PRELID2: variants seen among roughly 807,000 people sequenced by gnomAD.
PRELID2 encodes PRELI domain containing 2.
In PRELID2, 25 loss-of-function variants were observed where a neutral mutation model predicts 28.4. The observed-to-expected ratio is 0.88, with a 90% CI of 0.64 to 1.23. The LOEUF is 1.23. Ranked by LOEUF, PRELID2 falls within the 50% of genes most tolerant of loss-of-function variation. The pLI, the probability that PRELID2 is intolerant of heterozygous loss-of-function variation, is 0.00. For synonymous variants in PRELID2, 76 were observed against 71.6 expected (o/e 1.06, Z -0.31); for missense variants, 201 against 214.4 (o/e 0.94, Z 0.39).
intron 1 of PRELID2, among the ~76,000 whole-genome samples, chr5:145,727,844 G>A (rs1343829460): frequency 6.6e-5 from 10 of 152,160 alleles, no homozygotes; most frequent in African/African-American, 2.4e-4. Context: ...TTGAATCAAG[G>A]CAGGTAAACA....
chr5:145,593,617 G>A (rs1753261969), intron 1 of PRELID2, among the ~76,000 whole-genome samples: 1 of 152,150 alleles, frequency 6.6e-6, no homozygotes, highest in Admixed American at 6.6e-5. Context: ...AAAAGGCAGA[G>A]GAAGAGGAAA....
chr5:145,306,760 A>C, the PRELID2 span, among the ~76,000 whole-genome samples: 1 of 152,144 alleles, frequency 6.6e-6, no homozygotes, highest in East Asian at 1.9e-4. Context: ...TTTATGAATT[A>C]CGTATATATG....
intron 1 of PRELID2, among the ~76,000 whole-genome samples, chr5:145,661,988 A>T (rs1754503875): frequency 6.6e-6 from 1 of 152,112 alleles, no homozygotes; most frequent in Non-Finnish European, 1.5e-5. Context: ...CTTACTACAT[A>T]GTTTTGTCAA....
At chr5:145,584,694 A>G (rs28814957) in intron 1 of PRELID2, among the ~76,000 whole-genome samples, 16,576 of 152,142 alleles carry the variant, frequency 0.11, 2,429 homozygotes, top group African/African-American at 0.34. Flanking sequence ...GCTCAACATC[A>G]CTGATCATTA....
intron 1 of PRELID2, among the ~76,000 whole-genome samples, chr5:145,694,929 T>C (rs1440828614): frequency 6.6e-6 from 1 of 152,102 alleles, no homozygotes; most frequent in East Asian, 1.9e-4. Context: ...CCAGAACTGA[T>C]GAAAAGCCCT....
At chr5:145,426,831 G>A in the PRELID2 span, among the ~76,000 whole-genome samples, 1 of 152,128 alleles carries the variant, frequency 6.6e-6, no homozygotes, top group African/African-American at 2.4e-5. Flanking sequence ...AGAAAGAAAA[G>A]AATAAGAGGG....
At position 145,759,580 on chromosome 5, in the gene PRELID2, T is replaced by C. The variant is rs1757375223; in HGVS notation, c.*956A>G. 1 of 152,246 alleles carries C rather than the reference T, an allele frequency of 6.6e-6. No individual in the cohort carries two copies. Among genetic ancestry groups the C allele is most frequent in the African/African-American group, 2.4e-5 (1 of 41,476 alleles). The allele number at this position is 152,246 out of a possible 1,614,324, so 9.4% of individuals were successfully genotyped here. The stretch of plus-strand genomic sequence containing the variant: ...AAATCAGTCCAACAATCTCACAAAA[T>C]TAATTCTATCATCTTGTTTCACAAA... On this transcript the variant is annotated 3_prime_UTR_variant, in exon 7 of 7. Coordinates refer to ENST00000683046, the MANE Select transcript of PRELID2 (RefSeq NM_205846.3).
chr5:145,391,395 T>C, the PRELID2 span, among the ~76,000 whole-genome samples: 1 of 152,234 alleles, frequency 6.6e-6, no homozygotes, highest in Admixed American at 6.5e-5. Context: ...TTGGCCCCTT[T>C]TAGCCACTGC....
chr5:145,543,728 AT>A (rs556280748), intron 1 of PRELID2, among the ~76,000 whole-genome samples: 59 of 152,074 alleles, frequency 3.9e-4, no homozygotes, highest in Middle Eastern at 3.4e-3. Context: ...AGAAATTGGC[AT>A]TTTTTTCCCC....
chr5:145,575,419 G>A (rs542732370), intron 1 of PRELID2, among the ~76,000 whole-genome samples: 2 of 152,234 alleles, frequency 1.3e-5, no homozygotes, highest in African/African-American at 4.8e-5. Context: ...ATTATGTGCA[G>A]GACACCGTGC....
At chr5:145,412,281 A>G in the PRELID2 span, among the ~76,000 whole-genome samples, 4 of 152,192 alleles carry the variant, frequency 2.6e-5, no homozygotes, top group Non-Finnish European at 5.9e-5. Context: ...CACCTCTTGA[A>G]CACTTTGCTG....
chr5:145,328,163 T>C, the PRELID2 span, among the ~76,000 whole-genome samples: 44 of 152,308 alleles, frequency 2.9e-4, 2 homozygotes, highest in South Asian at 8.9e-3. Flanking sequence ...ATGTGCCATA[T>C]TTTCTTTATC....
chr5:145,409,068 C>T, the PRELID2 span, among the ~76,000 whole-genome samples: 1 of 152,142 alleles, frequency 6.6e-6, no homozygotes, highest in Admixed American at 6.6e-5. Context: ...CTATCCTTAG[C>T]CTCCTTAAAG....
At position 145,729,838 on chromosome 5, in the gene PRELID2, G is replaced by A. The variant is rs371680442; in HGVS notation, n.70+35093C>T. On this transcript the variant is annotated intron_variant and non_coding_transcript_variant, in intron 1 of 2. Transcript: ENST00000510259. ...GAAAAGACAGTTTGAGAGATAAAGT[G>A]GGTCCAGAGGGCCAATGTGAGTATG... 7.9e-5 allele frequency among the ~76,000 whole-genome samples: 12 copies of A among 152,276 alleles called. No homozygotes were observed. The East Asian group carries it at 1.5e-3, about 20-fold the overall frequency.
chr5:145,803,952 C>T lies in PRELID2; in HGVS notation c.369-7405G>A, dbSNP rs1022548854. Among the ~76,000 whole-genome samples, 3 of 152,074 alleles carry T rather than the reference C, an allele frequency of 2.0e-5. No individual in the cohort carries two copies. The South Asian group carries it at 6.2e-4, about 32-fold the overall frequency. The stretch of plus-strand genomic sequence containing the variant: ...GCCTCCCAACTTCCCAGACTCCTGT[C>T]CCACCCTGCTACCACACACTCTGCA... On this transcript the variant is annotated intron_variant, in intron 4 of 6. Coordinates refer to ENST00000683046, the MANE Select transcript of PRELID2 (RefSeq NM_205846.3).
chr5:145,496,168 A>T (rs2126630164), intron 1 of PRELID2, among the ~76,000 whole-genome samples: 1 of 152,304 alleles, frequency 6.6e-6, no homozygotes, highest in South Asian at 2.1e-4. Context: ...ACATGCATAT[A>T]GAGAAGAAAG....
At chr5:145,603,334 G>T (rs1428241610) in intron 1 of PRELID2, among the ~76,000 whole-genome samples, 1 of 151,008 alleles carries the variant, frequency 6.6e-6, no homozygotes, top group East Asian at 1.9e-4. Flanking sequence ...CCAAAAAAAT[G>T]ATTACTATCG....
chr5:145,346,485 C>G, the PRELID2 span, among the ~76,000 whole-genome samples: 1 of 152,082 alleles, frequency 6.6e-6, no homozygotes, highest in Non-Finnish European at 1.5e-5. Flanking sequence ...AGATAATGCA[C>G]TAAATTGTTT....
chr5:145,620,768 G>A lies in PRELID2; in HGVS notation n.70+144163C>T, dbSNP rs1226294512. On this transcript the variant is annotated intron_variant and non_coding_transcript_variant, in intron 1 of 2. Coordinates refer to the PRELID2 transcript ENST00000510259. ...GTGGGAGAATCACCTGATCCCAGAAGTCGAGGCTACAGTGAGCCATGGCAC... is the reference window on the plus strand; with the variant it reads ...GTGGGAGAATCACCTGATCCCAGAAATCGAGGCTACAGTGAGCCATGGCAC... Among the ~76,000 whole-genome samples the A allele has an allele frequency of 2.7e-5, 4 of 149,604 alleles. No individual in the cohort carries two copies. In the East Asian group the frequency reaches 7.9e-4, roughly 30 times the overall value.
Sources: gnomAD v4.1 joint callset for allele counts (sites outside exome capture counted in the v4.1 genomes callset) on GRCh38, gnomAD v4.1.1 for gene constraint, MANE v1.5 for transcripts, NCBI Gene and HGNC (gene_info 2026-07-23, HGNC 2026-07-21) for gene names.